The following GUCA2B variants were observed in gnomAD, a reference collection of about 807,000 sequenced individuals.
GUCA2B encodes guanylate cyclase activator 2B.
GUCA2B carries 7 observed loss-of-function variants against 11.1 expected under a neutral mutation model. The ratio of observed to expected loss-of-function variants is 0.63; its 90% confidence interval spans 0.36 to 1.18. GUCA2B has a LOEUF of 1.18. GUCA2B is among the 50% of genes most tolerant of loss of function. The probability of loss-of-function intolerance (pLI) is 0.02; values close to 1 mark genes in which losing one functional copy is unlikely to be tolerated. For missense variants in GUCA2B, 140 were observed against 142.5 expected (o/e 0.98, Z 0.09); for synonymous variants, 69 against 65.3 (o/e 1.06, Z -0.27).
At chr1:42,155,334 G>C (rs1646104316) in intron 2 of GUCA2B, among the ~76,000 whole-genome samples, 1 of 152,210 alleles carries the variant, frequency 6.6e-6, no homozygotes, top group Non-Finnish European at 1.5e-5. Context: ...GAAATCTCAG[G>C]CACAGGGAGT....
At chr1:42,155,276 C>T (rs1037849285) in intron 2 of GUCA2B, among the ~76,000 whole-genome samples, 3 of 152,196 alleles carry the variant, frequency 2.0e-5, no homozygotes, top group Non-Finnish European at 2.9e-5. Flanking sequence ...CGGGACTTGT[C>T]GGTCCTGCAT....
chr1:42,155,715 C>A lies in GUCA2B; in HGVS notation c.*119C>A. 1.2e-6 allele frequency: 1 copy of A among 810,402 alleles called. No homozygotes were observed. The highest frequency in any genetic ancestry group is 2.2e-6 in the Non-Finnish European group (1 of 459,986). The allele number at this position is 810,402 out of a possible 1,614,324, so 50.2% of individuals were successfully genotyped here. On this transcript the variant is annotated 3_prime_UTR_variant, in exon 3 of 3. Transcript: ENST00000372581. ...TCCCTGGCCACCATGGTCATCACCA[C>A]CCTTCCAGGGCCTGAGCAGCTGGAT...
Position 42,154,658 on chromosome 1 carries a change from A to G in GUCA2B, c.91-22A>G, listed in dbSNP as rs376483400. On this transcript the variant is annotated intron_variant, in intron 1 of 2. Transcript: ENST00000372581. The stretch of plus-strand genomic sequence containing the variant: ...CTGGACCAGGTCTTGACCTGCTCCT[A>G]TCTCCTCTCCCCTGTCTGTAGTACC... 3.1e-6 allele frequency: 5 copies of G among 1,607,314 alleles called. No homozygotes were observed. The African/African-American group carries it at 6.7e-5, about 21-fold the overall frequency.
intron 1 of GUCA2B, 50 bp from the exon 2 acceptor site, chr1:42,154,630 C>T (rs1443214964): frequency 6.8e-7 from 1 of 1,476,158 alleles, no homozygotes; most frequent in East Asian, 2.3e-5. Context: ...GCAGTGCCTG[C>T]CCCTGGACCA....
intron 1 of GUCA2B, among the ~76,000 whole-genome samples, chr1:42,153,894 A>G (rs55964622): frequency 1.3e-5 from 2 of 152,158 alleles, no homozygotes; most frequent in Non-Finnish European, 2.9e-5. Flanking sequence ...ATATTCACCC[A>G]CATGTAGGTG....
intron 2 of GUCA2B, among the ~76,000 whole-genome samples, chr1:42,155,161 G>T (rs1461108197): frequency 6.6e-6 from 1 of 152,220 alleles, no homozygotes; most frequent in Non-Finnish European, 1.5e-5. Flanking sequence ...GGTGTGAAAG[G>T]CTTCCAAGAG....
rs1422723950 is a variant in GUCA2B, at chr1:42,155,716, C to A, written c.*120C>A. Reference sequence around the variant, plus strand: ...CCCTGGCCACCATGGTCATCACCACCCTTCCAGGGCCTGAGCAGCTGGATC... The same window carrying A: ...CCCTGGCCACCATGGTCATCACCACACTTCCAGGGCCTGAGCAGCTGGATC... On this transcript the variant is annotated 3_prime_UTR_variant, in exon 3 of 3. Transcript: ENST00000372581. The A allele has an allele frequency of 2.1e-5, 17 of 793,978 alleles. No homozygotes were observed. The East Asian group carries it at 4.0e-4, about 19-fold the overall frequency. The allele number at this position is 793,978 out of a possible 1,614,324, so 49.2% of individuals were successfully genotyped here. A position where few individuals can be genotyped will look rare whatever the true frequency, so the allele number is the denominator to read the frequency against.
Position 42,153,459 on chromosome 1 carries a change from C to T in GUCA2B, c.9C>T (p.Cys3=), listed in dbSNP as rs746417577. The change falls in exon 1 of 3, where the codon TGC becomes TGT. Residue 3 remains cysteine (C), a synonymous_variant. Transcript: ENST00000372581. MG[C]RAASGLLPGV... is the part of the protein sequence containing the mutation. ...GGAACCCAGGGAGCGCGATGGGCTG[C>T]AGGGCTGCATCAGGGCTCCTGCCAG... The T allele has an allele frequency of 3.7e-6, 6 of 1,610,494 alleles. No homozygotes were observed. Among genetic ancestry groups the T allele is most frequent in the Non-Finnish European group, 5.1e-6 (6 of 1,178,432 alleles).
rs776695313 is a variant in GUCA2B, at chr1:42,155,539, C to A, written c.282C>A (p.Thr94=). The A allele has an allele frequency of 6.2e-7, 1 of 1,613,618 alleles. No individual in the cohort carries two copies. Among genetic ancestry groups the A allele is most frequent in the East Asian group, 2.2e-5 (1 of 44,888 alleles). The change falls in exon 3 of 3, where the codon ACC becomes ACA. Residue 94 remains threonine (T), a synonymous_variant. Coordinates refer to ENST00000372581, the MANE Select transcript of GUCA2B (RefSeq NM_007102.3). ...ACCAGTTCTCTCCCTGCCCAGGGAC[C>A]ATCGCTAACGACGACTGTGAGCTGT... The part of the protein sequence containing the change: ...EASSIFKTLR[T]IANDDCELCV...
intron 1 of GUCA2B, 80 bp from the exon 2 acceptor site, chr1:42,154,600 G>A: frequency 8.3e-7 from 1 of 1,202,988 alleles, no homozygotes; most frequent in Non-Finnish European, 1.2e-6. Flanking sequence ...TGCAGGGTTT[G>A]AGCAACCCTG....
In GUCA2B at chr1:42,155,556, G is replaced by A. The variant is rs1044611837; in HGVS notation, c.299G>A (p.Cys100Tyr). The A allele has an allele frequency of 2.5e-6, 4 of 1,613,970 alleles. No individual in the cohort carries two copies. The highest frequency in any genetic ancestry group is 1.3e-5 in the African/African-American group (1 of 74,932). ...KTLRTIANDD[C>Y]ELCVNVACTG... ...CCAGGGACCATCGCTAACGACGACT[G>A]TGAGCTGTGTGTGAACGTTGCGTGT... Residue 100 changes from cysteine (C) to tyrosine (Y), a missense_variant, in exon 3 of 3, where the codon TGT becomes TAT. Coordinates refer to ENST00000372581, the MANE Select transcript of GUCA2B (RefSeq NM_007102.3).
At chr1:42,153,628 G>T in intron 1 of GUCA2B, 88 bp downstream of exon 1, 1 of 983,076 alleles carries the variant, frequency 1.0e-6, no homozygotes, top group African/African-American at 1.6e-5. Flanking sequence ...ATTCAGAGGG[G>T]CACCGGGGGA....
chr1:42,155,117 G>C (rs553662339), intron 2 of GUCA2B, among the ~76,000 whole-genome samples: 2 of 152,362 alleles, frequency 1.3e-5, no homozygotes, highest in Middle Eastern at 3.4e-3. Flanking sequence ...GTGGAGCAGA[G>C]AGGAGAGCTG....
In GUCA2B at chr1:42,154,929, C is replaced by T. The variant is rs997256616; in HGVS notation, c.277+63C>T. 6 of 1,365,952 alleles carry T rather than the reference C, an allele frequency of 4.4e-6. 1 individual carries two copies. The highest frequency in any genetic ancestry group is 2.0e-5 in the Admixed American group (1 of 50,516). 84.6% of individuals were successfully genotyped at this position (1,365,952 alleles called of 1,614,324 possible). ...TCCTCCCACGCCCAGGCTCCTCCAC[C>T]TGGGTTGTTTCTCTTAAGCACCCAG... On this transcript the variant is annotated intron_variant, in intron 2 of 2. Transcript: ENST00000372581.
chr1:42,154,781 C>A lies in GUCA2B; in HGVS notation c.192C>A (p.Pro64=), dbSNP rs572221335. Reference sequence around the variant, plus strand: ...GCCTGCAGGCCCAGAGCCTCCTGCCCGCCGTGTGCCACCACCCTGCTCTGC... The same window carrying A: ...GCCTGCAGGCCCAGAGCCTCCTGCCAGCCGTGTGCCACCACCCTGCTCTGC... ...SPRLQAQSLL[P]AVCHHPALPQ... Residue 64 remains proline, a synonymous_variant, in exon 2 of 3, where the codon CCC becomes CCA. Coordinates refer to ENST00000372581, the MANE Select transcript of GUCA2B (RefSeq NM_007102.3). The A allele has an allele frequency of 1.2e-6, 2 of 1,614,068 alleles. No individual in the cohort carries two copies. The highest frequency in any genetic ancestry group is 1.7e-6 in the Non-Finnish European group (2 of 1,179,970).
chr1:42,153,753 T>A lies in GUCA2B; in HGVS notation c.90+213T>A, dbSNP rs55737717. Among the ~76,000 whole-genome samples, 906 of 152,220 alleles carry A rather than the reference T, an allele frequency of 6.0e-3. 8 individuals carry two copies. Among genetic ancestry groups the A allele is most frequent in the Non-Finnish European group, 9.9e-3 (673 of 67,992 alleles). The stretch of plus-strand genomic sequence containing the variant: ...GATGATGGCAATGACAACACCAAAC[T>A]GATTCAGCGCTGCTCCCCTCAAAGG... On this transcript the variant is annotated intron_variant, in intron 1 of 2. Coordinates refer to ENST00000372581, the MANE Select transcript of GUCA2B (RefSeq NM_007102.3).
At position 42,154,661 on chromosome 1, in the gene GUCA2B, T is replaced by G; in HGVS notation, c.91-19T>G. On this transcript the variant is annotated intron_variant, in intron 1 of 2. Transcript: ENST00000372581. The stretch of plus-strand genomic sequence containing the variant: ...GACCAGGTCTTGACCTGCTCCTATC[T>G]CCTCTCCCCTGTCTGTAGTACCAAG... 1.2e-6 allele frequency: 2 copies of G among 1,609,510 alleles called. No homozygotes were observed. The highest frequency in any genetic ancestry group is 1.3e-5 in the African/African-American group (1 of 74,978).
chr1:42,154,831 C>A lies in GUCA2B; in HGVS notation c.242C>A (p.Ala81Asp). The change falls in exon 2 of 3, where the codon GCC (alanine) becomes GAC (aspartate). Residue 81 changes from alanine to aspartate, a missense_variant. Coordinates refer to ENST00000372581, the MANE Select transcript of GUCA2B (RefSeq NM_007102.3). ...CCTCAGGACCTTCAGCCTGTCTGCG[C>A]CTCGCAGGAGGCTTCCAGCATCTTC... is the stretch of plus-strand genomic sequence containing the variant. The part of the protein sequence containing the change: ...ALPQDLQPVC[A>D]SQEASSIFKT... 1 of 1,613,914 alleles carries A rather than the reference C, an allele frequency of 6.2e-7. No individual in the cohort carries two copies. Among genetic ancestry groups the A allele is most frequent in the South Asian group, 1.1e-5 (1 of 91,044 alleles).
intron 1 of GUCA2B, among the ~76,000 whole-genome samples, chr1:42,153,955 G>A (rs1284334446): frequency 6.6e-6 from 1 of 152,190 alleles, no homozygotes; most frequent in Non-Finnish European, 1.5e-5. Flanking sequence ...CCTTGAGCTG[G>A]CATTGCAAGA....
Sources: allele counts gnomAD v4.1 joint callset (sites outside exome capture counted in the v4.1 genomes callset), GRCh38; gene constraint gnomAD v4.1.1; transcripts MANE v1.5; gene names NCBI Gene and HGNC (gene_info 2026-07-23, HGNC 2026-07-21).